Variants in CCDC149 observed in about 807,000 individuals in gnomAD.
CCDC149 encodes the protein coiled-coil domain containing 149, also known as coiled-coil domain-containing protein 149.
Under a neutral mutation model 59.9 loss-of-function variants are expected in CCDC149, and 45 were observed. That is an observed-to-expected ratio of 0.75 (90% CI 0.59 to 0.96). The LOEUF (loss-of-function observed/expected upper bound fraction) is 0.96. Ranked by LOEUF, CCDC149 falls within the 40% of genes least tolerant of loss-of-function variation. The pLI is 0.00. For synonymous variants in CCDC149, 245 were observed against 260.6 expected, an observed-to-expected ratio of 0.94 and a Z score of 0.58; for missense variants, 584 against 664.7, an observed-to-expected ratio of 0.88 and a Z score of 1.33.
In CCDC149 at chr4:24,902,860, CAA is replaced by C. The variant is rs534744511; in HGVS notation, c.63+9955_63+9956del. 3.3e-5 allele frequency among the ~76,000 whole-genome samples: 5 copies of C among 151,446 alleles called. No homozygotes were observed. The South Asian group carries it at 8.4e-4, about 25-fold the overall frequency. On this transcript the variant is annotated intron_variant, in intron 1 of 12. Transcript: ENST00000635206. ...ACAAGAAGGCAAAGCTCTGTCTCTC[CAA>C]AAAATAGAAAAATTAGCCAGGAAAT...
chr4:24,853,249 G>T, intron 3 of CCDC149, 70 bp from the exon 4 acceptor site: 1 of 1,127,712 alleles, frequency 8.9e-7, no homozygotes, highest in Non-Finnish European at 1.3e-6. Context: ...GCTTCATTGG[G>T]CTTGTGGATG....
At chr4:24,816,816 T>G (rs956739568) in intron 12 of CCDC149, among the ~76,000 whole-genome samples, 1 of 152,104 alleles carries the variant, frequency 6.6e-6, no homozygotes, top group Non-Finnish European at 1.5e-5. Flanking sequence ...AAACAGTATC[T>G]CTTTGTTAAA....
intron 9 of CCDC149, among the ~76,000 whole-genome samples, chr4:24,825,709 C>T (rs1414388654): frequency 6.6e-6 from 1 of 150,756 alleles, no homozygotes; most frequent in East Asian, 2.0e-4. Context: ...GGAGGCAGAG[C>T]TTGTAGTGAG....
At chr4:24,859,971 G>A (rs912253254) in intron 3 of CCDC149, among the ~76,000 whole-genome samples, 5 of 152,114 alleles carry the variant, frequency 3.3e-5, no homozygotes, top group East Asian at 1.9e-4. Context: ...AACACACCCC[G>A]TGCTTTTAGA....
intron 12 of CCDC149, among the ~76,000 whole-genome samples, chr4:24,810,003 CCTGCTGATGTG>C (rs1441966342): frequency 4.6e-5 from 7 of 152,168 alleles, no homozygotes; most frequent in Admixed American, 3.3e-4. Context: ...CTTACAAGGT[CCTGCTGATGTG>C]CTCCTGTTTC....
chr4:24,935,728 T>C (rs1437371385), intron 1 of CCDC149, among the ~76,000 whole-genome samples: 4 of 152,182 alleles, frequency 2.6e-5, no homozygotes, highest in African/African-American at 7.2e-5. Flanking sequence ...CTGTTGCTTA[T>C]AAATCACCCA....
chr4:24,961,260 G>A (rs1723627485), intron 1 of CCDC149, among the ~76,000 whole-genome samples: 1 of 151,958 alleles, frequency 6.6e-6, no homozygotes, highest in Non-Finnish European at 1.5e-5. Context: ...TTCTGAACAG[G>A]GTGCTCCAGA....
At chr4:24,980,082 C>T (rs1004516268) in exon 1 of CCDC149, 1 of 152,176 alleles carries the variant, frequency 6.6e-6, no homozygotes, top group Non-Finnish European at 1.5e-5. Context: ...ACGTTCACAT[C>T]GCTTCACAAG....
At chr4:24,919,908 G>A (rs937807621) in intron 1 of CCDC149, among the ~76,000 whole-genome samples, 13 of 152,308 alleles carry the variant, frequency 8.5e-5, no homozygotes, top group African/African-American at 2.9e-4. Flanking sequence ...TTAGCACATA[G>A]AAATATTAAG....
chr4:24,895,267 G>A, intron 1 of CCDC149: 2 of 574,326 alleles, frequency 3.5e-6, no homozygotes, highest in Non-Finnish European at 6.3e-6. Flanking sequence ...CTTGCTCTGG[G>A]TGGTGGTTAC....
chr4:24,847,436 G>A (rs879291722), intron 4 of CCDC149, among the ~76,000 whole-genome samples: 6 of 152,058 alleles, frequency 3.9e-5, no homozygotes, highest in African/African-American at 9.7e-5. Flanking sequence ...AATTACTTAC[G>A]TATTTTATTT....
At chr4:24,908,433 C>T (rs1196919641) in intron 1 of CCDC149, among the ~76,000 whole-genome samples, 2 of 151,692 alleles carry the variant, frequency 1.3e-5, no homozygotes, top group African/African-American at 4.8e-5. Flanking sequence ...CACGGTGGCT[C>T]ATGCCTATAA....
At position 24,816,811 on chromosome 4, in the gene CCDC149, G is replaced by A. The variant is rs762432583; in HGVS notation, c.1192+3048C>T. Among the ~76,000 whole-genome samples, 5 of 152,232 alleles carry A rather than the reference G, an allele frequency of 3.3e-5. No homozygotes were observed. In the East Asian group the frequency reaches 9.7e-4, roughly 29 times the overall value. On this transcript the variant is annotated intron_variant, in intron 12 of 12. Coordinates refer to ENST00000635206, the MANE Select transcript of CCDC149 (RefSeq NM_001330643.2). The stretch of plus-strand genomic sequence containing the variant: ...ATTTCCTCTAAAAGATAAAGAAACA[G>A]TATCTCTTTGTTAAAAAAATTGCTA...
chr4:24,888,607 T>G (rs1255949622), intron 1 of CCDC149, among the ~76,000 whole-genome samples: 2 of 152,192 alleles, frequency 1.3e-5, no homozygotes, highest in East Asian at 1.9e-4. Flanking sequence ...ACATGTATAT[T>G]TAACCTCTCC....
intron 3 of CCDC149, among the ~76,000 whole-genome samples, chr4:24,861,634 A>AT (rs952758989): frequency 7.9e-4 from 28 of 35,462 alleles, no homozygotes; most frequent in African/African-American, 2.2e-3. Context: ...AACTACTGAA[A>AT]TTAAAAAAAA....
rs1475342741 is a variant in CCDC149 at position 24,819,882 on chromosome 4, T to C, written c.1169A>G (p.Glu390Gly). ...ACCATCCTTGGGATCTGCTTTGTTC[T>C]CAGTGGGCTGCTCGACAAACTTCAG... is the stretch of plus-strand genomic sequence containing the variant. The change falls in exon 12 of 13, where the codon GAG becomes GGG. Residue 390 changes from glutamate to glycine, a missense_variant. Physicochemically the swap from Glu to Gly is moderately conservative, Grantham distance 98. Transcript: ENST00000635206. 15 of 1,551,500 alleles carry C rather than the reference T, an allele frequency of 9.7e-6. No individual in the cohort carries two copies. Among genetic ancestry groups the C allele is most frequent in the East Asian group, 4.9e-5 (2 of 40,930 alleles).
intron 1 of CCDC149, among the ~76,000 whole-genome samples, chr4:24,977,222 C>A (rs918382071): frequency 6.6e-6 from 1 of 152,178 alleles, no homozygotes. Context: ...GCTCCTTCCC[C>A]AGGACATTGG....
chr4:24,969,961 G>A (rs1723912052), intron 1 of CCDC149, among the ~76,000 whole-genome samples: 1 of 152,194 alleles, frequency 6.6e-6, no homozygotes, highest in South Asian at 2.1e-4. Context: ...ACTCTCCTCT[G>A]GGGGACATAT....
chr4:24,921,184 T>C (rs1722282349), intron 1 of CCDC149, among the ~76,000 whole-genome samples: 1 of 152,226 alleles, frequency 6.6e-6, no homozygotes, highest in African/African-American at 2.4e-5. Flanking sequence ...TAATGAGGAC[T>C]TGCCATACAC....
Sources: allele counts gnomAD v4.1 joint callset (sites outside exome capture counted in the v4.1 genomes callset), GRCh38; gene constraint gnomAD v4.1.1; transcripts MANE v1.5; gene names NCBI Gene and HGNC (gene_info 2026-07-23, HGNC 2026-07-21).